The following GRIP1 variants were observed in gnomAD, a reference collection of about 807,000 sequenced individuals.
GRIP1 encodes glutamate receptor interacting protein 1.
A neutral mutation model predicts 129.9 loss-of-function variants in GRIP1; 45 were observed. That is an observed-to-expected ratio of 0.35 (90% CI 0.27 to 0.44). The LOEUF (loss-of-function observed/expected upper bound fraction) is 0.44. Among genes scored for constraint, GRIP1 ranks in the 20% least tolerant of loss-of-function variants. GRIP1 has a pLI of 1.00. For synonymous variants in GRIP1, 530 were observed against 520.8 expected (o/e 1.02, Z -0.24); for missense variants, 1,196 against 1,396.8 (o/e 0.86, Z 2.29).
At chr12:66,782,009 T>C (rs2038176774) in intron 1 of GRIP1, among the ~76,000 whole-genome samples, 1 of 152,218 alleles carries the variant, frequency 6.6e-6, no homozygotes, top group Non-Finnish European at 1.5e-5. Flanking sequence ...TCTATAACAT[T>C]ACATTCCAGA....
intron 3 of GRIP1, among the ~76,000 whole-genome samples, chr12:66,541,578 C>T (rs1333928329): frequency 6.6e-6 from 1 of 152,190 alleles, no homozygotes; most frequent in Non-Finnish European, 1.5e-5. Context: ...GAGGGCCTGG[C>T]AGCTCCTGAG....
intron 16 of GRIP1, among the ~76,000 whole-genome samples, chr12:66,397,021 G>A (rs924399322): frequency 2.3e-5 from 3 of 132,640 alleles, no homozygotes; most frequent in African/African-American, 8.4e-5. Context: ...TGAAGCAGGA[G>A]AATCACTTGA....
rs10589880 is a variant in GRIP1 at position 66,362,142 on chromosome 12, CTTTTTTT to C, written c.3013-8586_3013-8580del. 2.8e-3 allele frequency among the ~76,000 whole-genome samples: 257 copies of C among 91,674 alleles called. 2 individuals are homozygous for C. Among genetic ancestry groups the C allele is most frequent in the African/African-American group, 0.012 (250 of 21,414 alleles). The allele number at this position is 91,674 out of a possible 152,430, so 60.1% of individuals were successfully genotyped here. A position where few individuals can be genotyped will look rare whatever the true frequency, so the allele number is the denominator to read the frequency against. On this transcript the variant is annotated intron_variant, in intron 23 of 24. Transcript: ENST00000359742. ...TGGGCTAGAGTGTTACCAATTTAAT[CTTTTTTT>C]TTTTTTTTTTTTTTTTTTAATGAGA...
At chr12:66,607,012 AGAAAG>A (rs2064565300) in intron 1 of GRIP1, among the ~76,000 whole-genome samples, 1 of 139,770 alleles carries the variant, frequency 7.2e-6, no homozygotes, top group Non-Finnish European at 1.5e-5. Flanking sequence ...AGAGAGAGAG[AGAAAG>A]AGAGAGAGTG....
intron 1 of GRIP1, among the ~76,000 whole-genome samples, chr12:66,899,162 T>C (rs191558735): frequency 6.6e-6 from 1 of 152,168 alleles, no homozygotes; most frequent in Admixed American, 6.5e-5. Context: ...CAGACTGAAC[T>C]TGATCTCTAT....
intron 1 of GRIP1, among the ~76,000 whole-genome samples, chr12:66,918,296 T>C (rs559800748): frequency 6.6e-6 from 1 of 151,686 alleles, no homozygotes; most frequent in African/African-American, 2.4e-5. Context: ...GCAAGAGGTA[T>C]TCTTTTATTT....
intron 19 of GRIP1, among the ~76,000 whole-genome samples, chr12:66,385,619 A>ATTTT (rs2056324249): frequency 1.3e-5 from 2 of 152,008 alleles, no homozygotes; most frequent in Non-Finnish European, 2.9e-5. Flanking sequence ...TTATTTATTT[A>ATTTT]TTTATTTAGA....
chr12:66,620,643 T>C (rs534292227), intron 1 of GRIP1, among the ~76,000 whole-genome samples: 49 of 152,330 alleles, frequency 3.2e-4, no homozygotes, highest in African/African-American at 1.1e-3. Context: ...ACAAAGCTGC[T>C]GATCAGTGCA....
intron 1 of GRIP1, among the ~76,000 whole-genome samples, chr12:66,907,658 C>T (rs193224041): frequency 2.0e-5 from 3 of 152,106 alleles, no homozygotes; most frequent in Admixed American, 2.0e-4. Context: ...TTGTCATATT[C>T]CAGTAATTTC....
chr12:66,617,657 G>T (rs1392700915), intron 1 of GRIP1, among the ~76,000 whole-genome samples: 1 of 151,762 alleles, frequency 6.6e-6, no homozygotes, highest in Non-Finnish European at 1.5e-5. Context: ...CCAAATCTGG[G>T]ATATTAACTT....
chr12:66,714,033 G>T (rs1394485556), intron 1 of GRIP1, among the ~76,000 whole-genome samples: 2 of 151,954 alleles, frequency 1.3e-5, no homozygotes, highest in Non-Finnish European at 2.9e-5. Context: ...CACACTGAAG[G>T]ATTGTTTTAA....
At chr12:66,435,023 G>T (rs1190821895) in intron 13 of GRIP1, among the ~76,000 whole-genome samples, 1 of 152,184 alleles carries the variant, frequency 6.6e-6, no homozygotes, top group East Asian at 1.9e-4. Flanking sequence ...GATCCCTGAT[G>T]AACACATTGA....
chr12:66,717,401 C>T (rs2136429197), intron 1 of GRIP1, among the ~76,000 whole-genome samples: 1 of 148,642 alleles, frequency 6.7e-6, no homozygotes, highest in African/African-American at 2.5e-5. Flanking sequence ...AAAAAAGTCA[C>T]CACATGGCCC....
At chr12:66,750,155 T>C (rs1382553543) in intron 1 of GRIP1, among the ~76,000 whole-genome samples, 2 of 152,190 alleles carry the variant, frequency 1.3e-5, no homozygotes, top group African/African-American at 4.8e-5. Flanking sequence ...CTTTGCCCAA[T>C]ACTGTCATAA....
chr12:66,618,589 A>G (rs760499528), intron 1 of GRIP1, among the ~76,000 whole-genome samples: 21 of 152,160 alleles, frequency 1.4e-4, no homozygotes, highest in Non-Finnish European at 3.1e-4. Flanking sequence ...TTTTCCAAAA[A>G]CATATTGCAT....
intron 1 of GRIP1, among the ~76,000 whole-genome samples, chr12:66,899,370 AT>A (rs568768824): frequency 0.018 from 2,672 of 149,266 alleles, 41 homozygotes; most frequent in Middle Eastern, 0.028. Context: ...GTGAAAAAAA[AT>A]TTTTTTTTTT....
At chr12:66,812,378 G>A (rs529735767) in intron 1 of GRIP1, among the ~76,000 whole-genome samples, 6 of 152,276 alleles carry the variant, frequency 3.9e-5, no homozygotes, top group East Asian at 1.9e-4. Context: ...CAAGTGATCC[G>A]CCTGCCTCGG....
Position 66,730,701 on chromosome 12 carries a change from C to CAAAAAAA in GRIP1, c.-420+73345_-420+73351dup, listed in dbSNP as rs3051132. On this transcript the variant is annotated intron_variant, in intron 1 of 4. Coordinates refer to the GRIP1 transcript ENST00000538373. ...AATAAGATACCAAGAGGGTCATCTA[C>CAAAAAAA]AAAAAAAAAAAAAAAAAAAACTCAT... 5.9e-4 allele frequency among the ~76,000 whole-genome samples: 42 copies of CAAAAAAA among 71,126 alleles called. 1 individual carries two copies. The highest frequency in any genetic ancestry group is 8.3e-4 in the Non-Finnish European group (31 of 37,490). 46.7% of individuals were successfully genotyped at this position (71,126 alleles called of 152,430 possible).
chr12:67,034,259 T>C (rs541124945), intron 1 of GRIP1, among the ~76,000 whole-genome samples: 14 of 152,330 alleles, frequency 9.2e-5, no homozygotes, highest in Middle Eastern at 3.4e-3. Context: ...GTTAGAGTCA[T>C]AGCCTGCTTC....
Sources: allele counts gnomAD v4.1 joint callset (sites outside exome capture counted in the v4.1 genomes callset), GRCh38; gene constraint gnomAD v4.1.1; transcripts MANE v1.5; gene names NCBI Gene and HGNC (gene_info 2026-07-23, HGNC 2026-07-21).